Variants in LTBP2 observed in about 807,000 individuals in gnomAD.
LTBP2 encodes latent-transforming growth factor beta-binding protein 2.
Under a neutral mutation model 210.6 loss-of-function variants are expected in LTBP2, and 103 were observed. The ratio of observed to expected loss-of-function variants is 0.49; its 90% CI spans 0.42 to 0.58. LTBP2 has a LOEUF of 0.58. LTBP2 is among the 20% of genes least tolerant of loss of function. The pLI, the probability that LTBP2 is intolerant of heterozygous loss-of-function variation, is 0.00. For synonymous variants in LTBP2, 1,007 were observed against 1,015.0 expected, an observed-to-expected ratio of 0.99 and a Z score of 0.15; for missense variants, 2,313 against 2,494.5, an observed-to-expected ratio of 0.93 and a Z score of 1.55.
intron 13 of LTBP2, among the ~76,000 whole-genome samples, chr14:74,526,819 C>T (rs183884888): frequency 1.4e-3 from 211 of 152,230 alleles, no homozygotes; most frequent in Non-Finnish European, 2.3e-3. Flanking sequence ...TTTCCTGGGA[C>T]GACACCCAGG....
chr14:74,555,194 G>A (rs2087713426), intron 4 of LTBP2, among the ~76,000 whole-genome samples: 1 of 152,168 alleles, frequency 6.6e-6, no homozygotes, highest in African/African-American at 2.4e-5. Context: ...GGTGGAACGA[G>A]TGGGACCAGG....
chr14:74,589,068 C>T (rs953507034), intron 2 of LTBP2, among the ~76,000 whole-genome samples: 2 of 152,196 alleles, frequency 1.3e-5, no homozygotes, highest in Non-Finnish European at 2.9e-5. Flanking sequence ...CTGCACATCT[C>T]AATTGGCCCT....
intron 5 of LTBP2, among the ~76,000 whole-genome samples, chr14:74,552,596 GAA>G (rs2087675514): frequency 6.6e-6 from 1 of 152,184 alleles, no homozygotes; most frequent in South Asian, 2.1e-4. Context: ...CTGCCTTCCT[GAA>G]AAGTCTATTT....
chr14:74,502,038 A>C (rs528402785), intron 34 of LTBP2: 28 of 294,884 alleles, frequency 9.5e-5, no homozygotes, highest in Non-Finnish European at 1.4e-4. Flanking sequence ...GACCAGATCT[A>C]CCTAACCCTC....
intron 1 of LTBP2, among the ~76,000 whole-genome samples, chr14:74,604,020 A>G (rs2088486312): frequency 6.6e-6 from 1 of 152,116 alleles, no homozygotes; most frequent in Admixed American, 6.5e-5. Context: ...TGGGGCAACA[A>G]TGACAGTGAT....
chr14:74,575,218 C>T (rs531668775), intron 3 of LTBP2, among the ~76,000 whole-genome samples: 1 of 152,342 alleles, frequency 6.6e-6, no homozygotes, highest in South Asian at 2.1e-4. Context: ...CAGCCGTGGC[C>T]TGCTCAGGGC....
At chr14:74,601,777 G>C (rs370538158) in intron 2 of LTBP2, among the ~76,000 whole-genome samples, 1 of 152,184 alleles carries the variant, frequency 6.6e-6, no homozygotes, top group Admixed American at 6.5e-5. Flanking sequence ...ATAGAATAAC[G>C]TATGATGTTC....
intron 2 of LTBP2, among the ~76,000 whole-genome samples, chr14:74,587,233 A>C (rs1425687385): frequency 1.3e-5 from 2 of 152,138 alleles, no homozygotes; most frequent in African/African-American, 2.4e-5. Context: ...TGCCTCATCC[A>C]TCTGTCGCTC....
rs2139697135 is a variant in LTBP2, at chr14:74,510,198, A to G, written c.3044T>C (p.Leu1015Pro). Residue 1015 changes from leucine (L) to proline (P), a missense_variant, in exon 20 of 36, where the codon CTG becomes CCG. Around this residue, in one of 3 missense-constraint regions of LTBP2, gnomAD observed 1,867 missense variants for 1,976.9 expected, o/e 0.94. Transcript: ENST00000261978. ...TCCATGGGCACAGACCCCGGGAGTC[A>G]GACACTCATTCACATCTGTGGGAGA... ...SGSCVDVNEC[L>P]TPGVCAHGKC... The G allele has an allele frequency of 1.9e-6, 3 of 1,613,846 alleles. No individual in the cohort carries two copies. The Admixed American group carries it at 5.0e-5, about 27-fold the overall frequency.
At position 74,508,819 on chromosome 14, in the gene LTBP2, G is replaced by A. The variant is rs777115704; in HGVS notation, c.3526+11C>T. On this transcript the variant is annotated intron_variant, in intron 23 of 35. Coordinates refer to ENST00000261978, the MANE Select transcript of LTBP2 (RefSeq NM_000428.3). ...CCCCCCACCCCCAGTAGGGTGACCT[G>A]GGTCACTCACCCTCACACACGGTGC... 6.2e-7 allele frequency: 1 copy of A among 1,613,704 alleles called. No individual in the cohort carries two copies. The highest frequency in any genetic ancestry group is 2.2e-5 in the East Asian group (1 of 44,878).
chr14:74,518,314 C>T (rs994255855), intron 17 of LTBP2, among the ~76,000 whole-genome samples: 14 of 152,174 alleles, frequency 9.2e-5, no homozygotes, highest in Non-Finnish European at 1.3e-4. Flanking sequence ...TGTTAAACCC[C>T]ATAAAATCCC....
chr14:74,550,542 G>T (rs766444301), intron 7 of LTBP2, among the ~76,000 whole-genome samples: 8 of 152,200 alleles, frequency 5.3e-5, no homozygotes, highest in Non-Finnish European at 1.2e-4. Flanking sequence ...ATTCTTGGGT[G>T]CCTGGCCTCA....
intron 17 of LTBP2, 143 bp downstream of exon 17, chr14:74,521,768 A>G: frequency 8.8e-7 from 1 of 1,142,568 alleles, no homozygotes; most frequent in South Asian, 1.3e-5. Context: ...TCCAGGCTGG[A>G]GTTCTGGTCT....
intron 8 of LTBP2, among the ~76,000 whole-genome samples, chr14:74,548,957 A>G (rs1374304829): frequency 6.6e-6 from 1 of 152,254 alleles, no homozygotes; most frequent in Non-Finnish European, 1.5e-5. Flanking sequence ...AAAACTGTCT[A>G]CACTTATTTT....
intron 8 of LTBP2, among the ~76,000 whole-genome samples, chr14:74,541,346 A>C (rs1413719124): frequency 1.3e-5 from 2 of 152,196 alleles, no homozygotes; most frequent in African/African-American, 4.8e-5. Context: ...ACAAATAAGA[A>C]GACCAAACAC....
At chr14:74,574,544 T>C (rs1203044355) in intron 3 of LTBP2, among the ~76,000 whole-genome samples, 1 of 152,148 alleles carries the variant, frequency 6.6e-6, no homozygotes, top group East Asian at 1.9e-4. Flanking sequence ...TCTAGCACAA[T>C]GCCTGAAACA....
At chr14:74,533,026 G>A (rs1185724873) in intron 9 of LTBP2, among the ~76,000 whole-genome samples, 2 of 152,096 alleles carry the variant, frequency 1.3e-5, no homozygotes, top group African/African-American at 2.4e-5. Flanking sequence ...TGTATTTTTT[G>A]TAGAGATGTG....
At chr14:74,564,341 A>ATT (rs1321039433) in intron 3 of LTBP2, among the ~76,000 whole-genome samples, 331 of 5,536 alleles carry the variant, frequency 0.06, 59 homozygotes, top group Non-Finnish European at 0.1. Context: ...TTATATATAT[A>ATT]TATTTATATA....
chr14:74,538,490 T>A (rs2087451324), intron 8 of LTBP2, among the ~76,000 whole-genome samples: 2 of 104,758 alleles, frequency 1.9e-5, no homozygotes, highest in Non-Finnish European at 4.6e-5. Flanking sequence ...GAGCCACCTC[T>A]CCATTTTGTG....
Sources: gnomAD v4.1 joint callset for allele counts (sites outside exome capture counted in the v4.1 genomes callset) on GRCh38, gnomAD v4.1.1 for gene constraint, gnomAD v4.1.1 regional missense constraint, MANE v1.5 for transcripts, NCBI Gene and HGNC (gene_info 2026-07-23, HGNC 2026-07-21) for gene names.